FOXN3: variants seen among roughly 807,000 people sequenced by gnomAD.
FOXN3 encodes the protein forkhead box N3, also known as forkhead box protein N3.
In FOXN3, 7 loss-of-function variants were observed where a neutral mutation model predicts 38.4. The ratio of observed to expected loss-of-function variants is 0.18; its 90% CI spans 0.10 to 0.34. The LOEUF (loss-of-function observed/expected upper bound fraction) is 0.34. FOXN3 is among the 10% of genes least tolerant of loss of function. FOXN3 has a pLI of 1.00. For missense variants in FOXN3, 456 were observed against 613.4 expected (o/e 0.74, Z 2.71); for synonymous variants, 230 against 242.2 (o/e 0.95, Z 0.47).
chr14:89,431,334 C>T (rs1022147737), intron 1 of FOXN3, among the ~76,000 whole-genome samples: 31 of 152,208 alleles, frequency 2.0e-4, no homozygotes, highest in African/African-American at 7.0e-4. Flanking sequence ...CCTTAGCCTC[C>T]CAAGTAACTG....
At chr14:89,504,273 G>A (rs965776405) in intron 1 of FOXN3, among the ~76,000 whole-genome samples, 9 of 152,188 alleles carry the variant, frequency 5.9e-5, no homozygotes, top group African/African-American at 1.4e-4. Flanking sequence ...TCCCAGGCAC[G>A]TGTCAGGAAT....
At chr14:89,420,934 C>T (rs1166703858), upstream of FOXN3, among the ~76,000 whole-genome samples, 1 of 148,404 alleles carries the variant, frequency 6.7e-6, no homozygotes, top group African/African-American at 2.5e-5. Context: ...AGATGAATTT[C>T]GGGAGAGGAA....
chr14:89,222,587 C>CCAGGAGT (rs1884501748), intron 4 of FOXN3, among the ~76,000 whole-genome samples: 1 of 152,038 alleles, frequency 6.6e-6, no homozygotes, highest in Admixed American at 6.5e-5. Flanking sequence ...GGAGCTCAAC[C>CCAGGAGT]CAGGAGTCAG....
chr14:89,320,494 A>C (rs1480651103), intron 3 of FOXN3, among the ~76,000 whole-genome samples: 1 of 152,204 alleles, frequency 6.6e-6, no homozygotes, highest in Non-Finnish European at 1.5e-5. Context: ...GAGGCTAAAT[A>C]AACCTGATAT....
intron 1 of FOXN3, among the ~76,000 whole-genome samples, chr14:89,432,256 T>G (rs867742289): frequency 1.3e-5 from 2 of 152,184 alleles, no homozygotes; most frequent in Admixed American, 1.3e-4. Flanking sequence ...TCTCCATTTA[T>G]GGGTGGGAGA....
At chr14:89,407,910 C>G (rs1891436759) in intron 2 of FOXN3, among the ~76,000 whole-genome samples, 1 of 152,212 alleles carries the variant, frequency 6.6e-6, no homozygotes, top group Non-Finnish European at 1.5e-5. Flanking sequence ...AAACCTTTGT[C>G]AACTACTGAA....
At chr14:89,559,946 A>C (rs959540167) in intron 1 of FOXN3, among the ~76,000 whole-genome samples, 1 of 152,096 alleles carries the variant, frequency 6.6e-6, no homozygotes, top group East Asian at 1.9e-4. Flanking sequence ...ACCAGTAGTG[A>C]GCTGTGTTAG....
At chr14:89,611,597 G>C (rs1041213368) in intron 1 of FOXN3, among the ~76,000 whole-genome samples, 1 of 152,084 alleles carries the variant, frequency 6.6e-6, no homozygotes, top group Non-Finnish European at 1.5e-5. Flanking sequence ...ACAAGGTCAG[G>C]AGATCGAGAC....
chr14:89,387,998 C>T (rs966781809), intron 2 of FOXN3, among the ~76,000 whole-genome samples: 1 of 152,226 alleles, frequency 6.6e-6, no homozygotes, highest in Non-Finnish European at 1.5e-5. Context: ...GCCTAGCCAA[C>T]ATGATGAAAC....
intron 2 of FOXN3, among the ~76,000 whole-genome samples, chr14:89,365,152 G>A (rs1314270686): frequency 6.6e-6 from 1 of 152,154 alleles, no homozygotes; most frequent in Non-Finnish European, 1.5e-5. Context: ...TATTTTGAGA[G>A]AGCCCTGCTT....
At chr14:89,473,133 T>C (rs1415766509) in intron 1 of FOXN3, among the ~76,000 whole-genome samples, 1 of 152,066 alleles carries the variant, frequency 6.6e-6, no homozygotes, top group Non-Finnish European at 1.5e-5. Context: ...CACGCCATTC[T>C]CCTGCCTCAG....
At chr14:89,559,230 A>C (rs1895196524) in intron 1 of FOXN3, among the ~76,000 whole-genome samples, 1 of 152,108 alleles carries the variant, frequency 6.6e-6, no homozygotes, top group Non-Finnish European at 1.5e-5. Flanking sequence ...AAATACAAAA[A>C]TGTGCCAGAT....
intron 2 of FOXN3, among the ~76,000 whole-genome samples, chr14:89,389,747 G>T (rs1289083722): frequency 1.3e-5 from 2 of 152,100 alleles, no homozygotes; most frequent in African/African-American, 4.8e-5. Flanking sequence ...GTAGCTTGGG[G>T]GCATCAATAT....
chr14:89,444,105 A>C (rs1450142733), intron 1 of FOXN3, among the ~76,000 whole-genome samples: 3 of 150,598 alleles, frequency 2.0e-5, no homozygotes, highest in African/African-American at 7.3e-5. Context: ...GACAATGGGG[A>C]GCCATTAAAT....
rs945751307 is a variant in FOXN3, at chr14:89,478,410, C to T, written c.-14-65920G>A. ...AAACAAGGGCTGTTTGTTGAATAAA[C>T]AATGAATGAATTCTCAAATTCATCT... On this transcript the variant is annotated intron_variant, in intron 1 of 6. Transcript: ENST00000345097. 2.6e-5 allele frequency among the ~76,000 whole-genome samples: 4 copies of T among 152,140 alleles called. No individual in the cohort carries two copies. In the East Asian group the frequency reaches 7.7e-4, roughly 29 times the overall value.
Position 89,203,875 on chromosome 14 carries a change from T to C in FOXN3, c.746-23069A>G, listed in dbSNP as rs187902186. Among the ~76,000 whole-genome samples, 173 of 152,240 alleles carry C rather than the reference T, an allele frequency of 1.1e-3. 2 individuals are homozygous for C. The highest frequency in any genetic ancestry group is 4.4e-4 in the Non-Finnish European group (30 of 68,016). On this transcript the variant is annotated intron_variant, in intron 4 of 5. Transcript: ENST00000557258. ...AACGAGCCAACAGAGCAGGGACTTC[T>C]GCACGCCTTTAGTGCTAAGAAAGCC... is the stretch of plus-strand genomic sequence containing the variant.
chr14:89,585,694 ACT>A (rs1277144247), intron 1 of FOXN3, among the ~76,000 whole-genome samples: 1 of 151,606 alleles, frequency 6.6e-6, no homozygotes, highest in African/African-American at 2.4e-5. Context: ...TTTACAACTA[ACT>A]GATCACAAAA....
chr14:89,218,902 A>C (rs566751928), intron 4 of FOXN3, among the ~76,000 whole-genome samples: 2 of 152,220 alleles, frequency 1.3e-5, no homozygotes. Flanking sequence ...CTTTGTTTCT[A>C]TACACAAACT....
At position 89,281,006 on chromosome 14, in the gene FOXN3, C is replaced by T. The variant is rs1176480920; in HGVS notation, c.689G>A (p.Gly230Asp). 6.2e-7 allele frequency: 1 copy of T among 1,613,516 alleles called. No individual in the cohort carries two copies. The highest frequency in any genetic ancestry group is 2.2e-5 in the East Asian group (1 of 44,870). The change falls in exon 4 of 6, where the codon GGT (glycine) becomes GAT (aspartate). Residue 230 changes from glycine (G) to aspartate (D), a missense_variant. Coordinates refer to ENST00000557258, the MANE Select transcript of FOXN3 (RefSeq NM_005197.4). ...TCPQAYQSTS[G>D]PPIWPGSTFF... ...GGTACTGCCCGGCCAGATGGGTGGA[C>T]CTGATGTGCTGAAAGAGAAAAGAAA...
Sources: gnomAD v4.1 joint callset for allele counts (sites outside exome capture counted in the v4.1 genomes callset) on GRCh38, gnomAD v4.1.1 for gene constraint, MANE v1.5 for transcripts, NCBI Gene and HGNC (gene_info 2026-07-23, HGNC 2026-07-21) for gene names.